BPIFB4: variants seen among roughly 807,000 people sequenced by gnomAD.
BPIFB4 encodes BPI fold containing family B member 4.
In BPIFB4, 62 loss-of-function variants were observed where a neutral mutation model predicts 69.2. The observed-to-expected ratio is 0.90, with a 90% CI of 0.73 to 1.11. The LOEUF (loss-of-function observed/expected upper bound fraction) is 1.11, where lower values mean the gene tolerates loss of function less well. BPIFB4 is among the 50% of genes least tolerant of loss of function. The probability of loss-of-function intolerance (pLI) is 0.00; values close to 1 mark genes in which losing one functional copy is unlikely to be tolerated. For synonymous variants in BPIFB4, 330 were observed against 332.7 expected, an observed-to-expected ratio of 0.99 and a Z score of 0.09; for missense variants, 789 against 792.0, an observed-to-expected ratio of 1.00 and a Z score of 0.04.
intron 10 of BPIFB4, 114 bp from the exon 11 acceptor site, chr20:33,092,344 G>A (rs1981623299): frequency 1.1e-6 from 1 of 878,958 alleles, no homozygotes; most frequent in Admixed American, 2.3e-5. Flanking sequence ...CAGACTCAGT[G>A]GGTTTAACCA....
At chr20:33,103,624 AC>A (rs35145086) in intron 15 of BPIFB4, among the ~76,000 whole-genome samples, 80,791 of 125,906 alleles carry the variant, frequency 0.64, 22,760 homozygotes, top group Middle Eastern at 0.68. Context: ...CTTCCTCCCC[AC>A]CCCCCCACCT....
intron 3 of BPIFB4, 87 bp from the exon 4 acceptor site, chr20:33,082,851 A>T (rs1981274688): frequency 1.5e-6 from 2 of 1,297,044 alleles, no homozygotes; most frequent in Middle Eastern, 1.8e-4. Context: ...AGGCCCAGGG[A>T]GCTGAGCAAC....
chr20:33,111,549 C>G lies in BPIFB4; in HGVS notation c.*112C>G. On this transcript the variant is annotated 3_prime_UTR_variant, in exon 18 of 18. Coordinates refer to ENST00000375483, the MANE Select transcript of BPIFB4 (RefSeq NM_182519.3). The stretch of plus-strand genomic sequence containing the variant: ...AGTCCCCTCAGCCTCCATGACAGGT[C>G]CCTCCCTGGCCCCCCAACCCTCTTC... 7.6e-7 allele frequency: 1 copy of G among 1,321,986 alleles called. No individual in the cohort carries two copies. Among genetic ancestry groups the G allele is most frequent in the African/African-American group, 1.4e-5 (1 of 68,966 alleles). 81.9% of individuals were successfully genotyped at this position (1,321,986 alleles called of 1,614,324 possible). A position where few individuals can be genotyped will look rare whatever the true frequency, so the allele number is the denominator to read the frequency against.
chr20:33,092,616 G>A lies in BPIFB4; in HGVS notation c.1302G>A (p.Leu434=), dbSNP rs1384235334. 1.9e-6 allele frequency: 3 copies of A among 1,613,160 alleles called. No individual in the cohort carries two copies. In the African/African-American group the frequency reaches 4.0e-5, roughly 21 times the overall value. The stretch of plus-strand genomic sequence containing the variant: ...TCCTGGGCTCAGTGCTGACTCTACT[G>A]CAGAAGCAGCATGCTCTAGACCTGG... ...ANFLGSVLTL[L]QKQHALDLDI... is the part of the protein sequence containing the mutation. The change falls in exon 11 of 18, where the codon CTG becomes CTA. Residue 434 remains leucine (L), a synonymous_variant. Coordinates refer to ENST00000375483, the MANE Select transcript of BPIFB4 (RefSeq NM_182519.3).
At chr20:33,084,750 T>C in intron 5 of BPIFB4, 142 bp from the exon 6 acceptor site, 1 of 1,433,036 alleles carries the variant, frequency 7.0e-7, no homozygotes, top group Non-Finnish European at 9.2e-7. Flanking sequence ...CCACATTCTG[T>C]CCTTGAACTG....
In BPIFB4 at chr20:33,092,605, C is replaced by A. The variant is rs574793283; in HGVS notation, c.1291C>A (p.Leu431Met). 2 of 1,613,596 alleles carry A rather than the reference C, an allele frequency of 1.2e-6. No individual in the cohort carries two copies. Among genetic ancestry groups the A allele is most frequent in the Admixed American group, 1.7e-5 (1 of 60,038 alleles). ...GTCTGCCAACTTCCTGGGCTCAGTG[C>A]TGACTCTACTGCAGAAGCAGCATGC... ...AMSANFLGSV[L>M]TLLQKQHALD... Residue 431 changes from leucine (L) to methionine (M), a missense_variant, in exon 11 of 18, where the codon CTG becomes ATG. Around this residue, in one of 3 missense-constraint regions of BPIFB4, gnomAD observed 611 missense variants for 575.4 expected, o/e 1.06. Transcript: ENST00000375483.
In BPIFB4 at chr20:33,084,975, G is replaced by A. The variant is rs751101194; in HGVS notation, c.761G>A (p.Arg254His). 16 of 1,611,970 alleles carry A rather than the reference G, an allele frequency of 9.9e-6. No homozygotes were observed. The highest frequency in any genetic ancestry group is 5.5e-5 in the South Asian group (5 of 91,050). ...GVGVYLSLYT[R>H]VAINGKSLIG... is the part of the protein sequence containing the mutation. ...GGTGTCTACCTGAGCTTGTACACCC[G>A]TGTGGCCATCAACGGGAAGAGGTGC... The change falls in exon 6 of 18, where the codon CGT becomes CAT. Residue 254 changes from arginine (R) to histidine (H), a missense_variant. Physicochemically the swap from Arg to His is conservative, Grantham distance 29. Around this residue, in one of 3 missense-constraint regions of BPIFB4, gnomAD observed 611 missense variants for 575.4 expected, o/e 1.06. Coordinates refer to ENST00000375483, the MANE Select transcript of BPIFB4 (RefSeq NM_182519.3).
chr20:33,099,137 A>G (rs980994885), intron 13 of BPIFB4, among the ~76,000 whole-genome samples: 10 of 152,056 alleles, frequency 6.6e-5, no homozygotes, highest in African/African-American at 2.4e-4. Context: ...TCCCTCCATG[A>G]TTAAGGCTTC....
rs376296699 is a variant in BPIFB4 at position 33,083,365 on chromosome 20, A to G, written c.170-2A>G. On this transcript the variant is annotated splice_acceptor_variant, in intron 4 of 17. Transcript: ENST00000375483. LOFTEE classifies it high-confidence loss of function. ...ACTACAGACGCATTGAATTCCCCCGAGGTGTTGGTGATATTCCCTACAATG... is the reference window on the plus strand; with the variant it reads ...ACTACAGACGCATTGAATTCCCCCGGGGTGTTGGTGATATTCCCTACAATG... The G allele has an allele frequency of 1.8e-5, 29 of 1,611,010 alleles. No homozygotes were observed. The highest frequency in any genetic ancestry group is 2.5e-5 in the Non-Finnish European group (29 of 1,178,118).
chr20:33,109,415 T>G (rs1982173318), intron 17 of BPIFB4, among the ~76,000 whole-genome samples: 2 of 152,218 alleles, frequency 1.3e-5, no homozygotes, highest in South Asian at 4.2e-4. Context: ...CAGCCCTGGT[T>G]GATGTTTGCC....
Position 33,083,553 on chromosome 20 carries a change from G to A in BPIFB4, c.356G>A (p.Arg119Gln), listed in dbSNP as rs373461211. 17 of 1,613,882 alleles carry A rather than the reference G, an allele frequency of 1.1e-5. No homozygotes were observed. The highest frequency in any genetic ancestry group is 3.3e-5 in the Admixed American group (2 of 60,014). The change falls in exon 5 of 18, where the codon CGA (arginine) becomes CAA (glutamine). Residue 119 changes from arginine (R) to glutamine (Q), a missense_variant. By Grantham distance (43) the Arg-to-Gln change is conservative. Around this residue, in one of 3 missense-constraint regions of BPIFB4, gnomAD observed 611 missense variants for 575.4 expected, o/e 1.06. Coordinates refer to ENST00000375483, the MANE Select transcript of BPIFB4 (RefSeq NM_182519.3). ...LESEGSIRDL[R>Q]NSGYRSAENA... is the part of the protein sequence containing the mutation. ...TCCGAGGGAAGCATCAGGGACCTCC[G>A]AAACAGTGGCTATCGCAGTGCCGAG... is the stretch of plus-strand genomic sequence containing the variant.
chr20:33,102,388 T>C (rs1218953006), intron 14 of BPIFB4, among the ~76,000 whole-genome samples: 2 of 152,180 alleles, frequency 1.3e-5, no homozygotes, highest in African/African-American at 4.8e-5. Context: ...TGTATTGAGA[T>C]TCAGGTGCAG....
At position 33,083,464 on chromosome 20, in the gene BPIFB4, C is replaced by T; in HGVS notation, c.267C>T (p.His89=). The change falls in exon 5 of 18, where the codon CAC becomes CAT. Residue 89 remains histidine, a synonymous_variant. Coordinates refer to ENST00000375483, the MANE Select transcript of BPIFB4 (RefSeq NM_182519.3). ...KKLDGIYQYG[H]IETNDNTAQL... is the part of the protein sequence containing the mutation. ...TTGATGGTATTTACCAGTATGGTCA[C>T]ATTGAGACCAACGACAACACTGCTC... 1 of 1,613,884 alleles carries T rather than the reference C, an allele frequency of 6.2e-7. No homozygotes were observed. The highest frequency in any genetic ancestry group is 8.5e-7 in the Non-Finnish European group (1 of 1,179,942).
At chr20:33,089,152 TG>T (rs1981523255) in intron 8 of BPIFB4, 123 bp downstream of exon 8, 1 of 1,467,424 alleles carries the variant, frequency 6.8e-7, no homozygotes, top group Non-Finnish European at 9.3e-7. Flanking sequence ...AGCCAAGGCC[TG>T]GGGCATGTAT....
At chr20:33,082,639 AATTTT>A (rs1442368590) in intron 3 of BPIFB4, among the ~76,000 whole-genome samples, 1 of 152,142 alleles carries the variant, frequency 6.6e-6, no homozygotes, top group Admixed American at 6.5e-5. Context: ...TCCTGAAGTC[AATTTT>A]TTAAAGCTGT....
At chr20:33,110,798 A>G (rs1003800522) in intron 17 of BPIFB4, among the ~76,000 whole-genome samples, 1 of 78,726 alleles carries the variant, frequency 1.3e-5, no homozygotes, top group African/African-American at 4.9e-5. Context: ...TACTTTTATT[A>G]TTTATTTTGT....
rs972337898 is a variant in BPIFB4 at position 33,081,672 on chromosome 20, G to A, written c.106+40G>A. 5.2e-6 allele frequency: 8 copies of A among 1,548,460 alleles called. No homozygotes were observed. The Admixed American group carries it at 1.2e-4, about 23-fold the overall frequency. ...AAAGGGGTGAGGGTTGGCATGGGGTGAGCAGGGCAGCTCTGCCAACTCTGA... is the reference window on the plus strand; with the variant it reads ...AAAGGGGTGAGGGTTGGCATGGGGTAAGCAGGGCAGCTCTGCCAACTCTGA... On this transcript the variant is annotated intron_variant, in intron 3 of 17. Coordinates refer to ENST00000375483, the MANE Select transcript of BPIFB4 (RefSeq NM_182519.3).
intron 14 of BPIFB4, 66 bp downstream of exon 14, chr20:33,100,559 A>T: frequency 6.8e-7 from 1 of 1,475,264 alleles, no homozygotes; most frequent in Non-Finnish European, 9.4e-7. Flanking sequence ...GCCACCAGGG[A>T]GCGGGTAGAG....
At chr20:33,098,670 G>A (rs2146412204) in intron 13 of BPIFB4, among the ~76,000 whole-genome samples, 1 of 151,506 alleles carries the variant, frequency 6.6e-6, no homozygotes, top group Non-Finnish European at 1.5e-5. Context: ...GCTTGAACCT[G>A]GGAGGCGGAG....
Sources: allele counts gnomAD v4.1 joint callset (sites outside exome capture counted in the v4.1 genomes callset), GRCh38; gene constraint gnomAD v4.1.1; regional missense constraint gnomAD v4.1.1; transcripts MANE v1.5; gene names NCBI Gene and HGNC (gene_info 2026-07-23, HGNC 2026-07-21).